The following CCSER1 variants were observed in gnomAD, a reference collection of about 807,000 sequenced individuals.
CCSER1 encodes serine-rich coiled-coil domain-containing protein 1.
CCSER1 carries 41 observed loss-of-function variants against 82.0 expected under a neutral mutation model. The observed-to-expected ratio is 0.50, with a 90% CI of 0.39 to 0.65. The LOEUF is 0.65. CCSER1 is among the 30% of genes least tolerant of loss of function. The pLI is 0.00. For missense variants in CCSER1, 1,119 were observed against 1,064.2 expected (o/e 1.05, Z -0.72); for synonymous variants, 414 against 383.9 (o/e 1.08, Z -0.92).
intron 9 of CCSER1, among the ~76,000 whole-genome samples, chr4:90,932,179 T>C (rs780850579): frequency 6.6e-6 from 1 of 152,196 alleles, no homozygotes; most frequent in Non-Finnish European, 1.5e-5. Flanking sequence ...TTTAAATTTA[T>C]AAAGTTGATC....
intron 8 of CCSER1, among the ~76,000 whole-genome samples, chr4:90,908,643 C>T (rs1725861406): frequency 6.6e-6 from 1 of 151,878 alleles, no homozygotes; most frequent in South Asian, 2.1e-4. Context: ...GTGAGTGAAA[C>T]TTTTTTGTAC....
At chr4:91,094,024 G>A (rs1298335609) in intron 10 of CCSER1, among the ~76,000 whole-genome samples, 28 of 152,330 alleles carry the variant, frequency 1.8e-4, no homozygotes. Context: ...ATCCCAGGTA[G>A]CGTACCTGCT....
At chr4:91,082,466 A>T (rs1427497840) in intron 9 of CCSER1, among the ~76,000 whole-genome samples, 2 of 152,212 alleles carry the variant, frequency 1.3e-5, no homozygotes, top group Non-Finnish European at 2.9e-5. Flanking sequence ...CCTAGAAGAA[A>T]ACCTAGGCAA....
intron 10 of CCSER1, among the ~76,000 whole-genome samples, chr4:91,197,751 T>A (rs1358734601): frequency 1.3e-5 from 2 of 152,220 alleles, no homozygotes; most frequent in African/African-American, 4.8e-5. Context: ...ACCCCTAGAT[T>A]GGGCTAGACC....
intron 10 of CCSER1, among the ~76,000 whole-genome samples, chr4:91,509,416 T>A (rs1273342977): frequency 6.6e-6 from 1 of 152,122 alleles, no homozygotes. Flanking sequence ...TACATTCTAA[T>A]TTAACTTTGT....
chr4:90,155,802 G>C (rs1728019201), intron 1 of CCSER1, among the ~76,000 whole-genome samples: 2 of 151,316 alleles, frequency 1.3e-5, no homozygotes, highest in African/African-American at 4.9e-5. Context: ...TATCAATTTT[G>C]TTGATCCTTT....
At chr4:91,387,283 T>C (rs1309144355) in intron 10 of CCSER1, among the ~76,000 whole-genome samples, 1 of 151,816 alleles carries the variant, frequency 6.6e-6, no homozygotes. Flanking sequence ...TAACAATGGG[T>C]GAATCTCAGT....
In CCSER1 at chr4:90,933,020, GAAAGAAAGAAAGAAAGAAAGAAAGA is replaced by G. The variant is rs1561385690; in HGVS notation, c.2172+9574_2172+9598del. Among the ~76,000 whole-genome samples, 6 of 87,108 alleles carry G rather than the reference GAAAGAAAGAAAGAAAGAAAGAAAGA, an allele frequency of 6.9e-5. 3 individuals are homozygous for G. Among genetic ancestry groups the G allele is most frequent in the Non-Finnish European group, 8.6e-5 (4 of 46,344 alleles). The allele number at this position is 87,108 out of a possible 152,430, so 57.1% of individuals were successfully genotyped here. Reference sequence around the variant, plus strand: ...AGAAAGAAAGAAAGAAAGAAAGAAAGAAAGAAAGAAAGAAAGAAAGAAAGAGAAGGAAGGAACGAAGGAAAGAAGA... The same window carrying G: ...AGAAAGAAAGAAAGAAAGAAAGAAAGGAAGGAAGGAACGAAGGAAAGAAGA... On this transcript the variant is annotated intron_variant, in intron 9 of 10. Transcript: ENST00000509176.
chr4:91,431,124 T>C lies in CCSER1; in HGVS notation c.2218-167448T>C, dbSNP rs970595124. On this transcript the variant is annotated intron_variant, in intron 10 of 10. Coordinates refer to ENST00000509176, the MANE Select transcript of CCSER1 (RefSeq NM_001145065.2). The stretch of plus-strand genomic sequence containing the variant: ...GGTGGCGGGCGCCTGTAGTCCCAGC[T>C]ACTCGGCAGGCTGAGGCAGGAGAAT... 2.0e-5 allele frequency among the ~76,000 whole-genome samples: 3 copies of C among 152,040 alleles called. No homozygotes were observed. In the East Asian group the frequency reaches 5.8e-4, roughly 30 times the overall value.
At chr4:91,571,987 C>T (rs184528312) in intron 10 of CCSER1, among the ~76,000 whole-genome samples, 47 of 152,126 alleles carry the variant, frequency 3.1e-4, no homozygotes, top group South Asian at 1.2e-3. Context: ...GGGTGGCAAG[C>T]GCAGTTCTGC....
At chr4:90,477,528 A>C (rs535452587) in intron 5 of CCSER1, among the ~76,000 whole-genome samples, 68 of 152,328 alleles carry the variant, frequency 4.5e-4, no homozygotes, top group African/African-American at 1.6e-3. Flanking sequence ...AAGGGATTGG[A>C]TCTCTAAGAA....
At chr4:91,449,316 A>T (rs1211386415) in intron 10 of CCSER1, among the ~76,000 whole-genome samples, 1 of 152,000 alleles carries the variant, frequency 6.6e-6, no homozygotes, top group Non-Finnish European at 1.5e-5. Flanking sequence ...GAGTAAAAAA[A>T]ATGAGAAAAG....
intron 4 of CCSER1, among the ~76,000 whole-genome samples, chr4:90,405,866 A>G (rs1253122215): frequency 6.6e-6 from 1 of 152,192 alleles, no homozygotes; most frequent in African/African-American, 2.4e-5. Context: ...AAGGAGCTCT[A>G]AATCTTGAAA....
intron 8 of CCSER1, among the ~76,000 whole-genome samples, chr4:90,861,096 T>C (rs542381413): frequency 1.9e-4 from 29 of 151,658 alleles, no homozygotes; most frequent in Non-Finnish European, 4.1e-4. Flanking sequence ...ATATGTGCCA[T>C]TCGGGAAACA....
intron 10 of CCSER1, among the ~76,000 whole-genome samples, chr4:91,282,251 G>T (rs2149204234): frequency 6.6e-6 from 1 of 152,182 alleles, no homozygotes; most frequent in East Asian, 1.9e-4. Flanking sequence ...GAATTATACA[G>T]GTGTGACTTT....
At chr4:91,210,635 T>A (rs1049100017) in intron 10 of CCSER1, among the ~76,000 whole-genome samples, 3 of 151,690 alleles carry the variant, frequency 2.0e-5, no homozygotes, top group Non-Finnish European at 4.4e-5. Context: ...TACAAAATAA[T>A]TTCAAAATCT....
At chr4:90,912,622 A>T (rs1726586869) in intron 8 of CCSER1, among the ~76,000 whole-genome samples, 2 of 152,216 alleles carry the variant, frequency 1.3e-5, no homozygotes, top group Admixed American at 1.3e-4. Flanking sequence ...CCAGCAATGG[A>T]ACAAAGCTGG....
At chr4:91,374,996 CA>C (rs1217099379) in intron 10 of CCSER1, among the ~76,000 whole-genome samples, 23 of 148,294 alleles carry the variant, frequency 1.6e-4, no homozygotes, top group South Asian at 4.3e-4. Flanking sequence ...CTTGCTCTGT[CA>C]AAAAAAAAAT....
chr4:90,565,126 A>G (rs150874593), intron 5 of CCSER1, among the ~76,000 whole-genome samples: 1 of 151,648 alleles, frequency 6.6e-6, no homozygotes, highest in Non-Finnish European at 1.5e-5. Flanking sequence ...TGGATGCTTT[A>G]ATAATATTAA....
Sources: allele counts gnomAD v4.1 joint callset (sites outside exome capture counted in the v4.1 genomes callset), GRCh38; gene constraint gnomAD v4.1.1; transcripts MANE v1.5; gene names NCBI Gene and HGNC (gene_info 2026-07-23, HGNC 2026-07-21).